The following ABCC2 variants were observed in gnomAD, a reference collection of about 807,000 sequenced individuals.
ABCC2 encodes the protein ATP-binding cassette sub-family C member 2.
In ABCC2, 157 loss-of-function variants were observed where a neutral mutation model predicts 173.4. That is an observed-to-expected ratio of 0.91 (90% CI 0.80 to 1.03). ABCC2 has a LOEUF of 1.03. Ranked by LOEUF, ABCC2 falls within the 50% of genes least tolerant of loss-of-function variation. The pLI, the probability that ABCC2 is intolerant of heterozygous loss-of-function variation, is 0.00. For synonymous variants in ABCC2, 657 were observed against 693.5 expected (o/e 0.95, Z 0.83); for missense variants, 1,822 against 1,852.3 (o/e 0.98, Z 0.30).
In ABCC2 at chr10:99,805,862, AAAG is replaced by A. The variant is rs775554556; in HGVS notation, c.1530+419_1530+421del. 7.5e-4 allele frequency among the ~76,000 whole-genome samples: 114 copies of A among 152,262 alleles called. 1 individual carries two copies. Among genetic ancestry groups the A allele is most frequent in the Middle Eastern group, 3.4e-3 (1 of 294 alleles). On this transcript the variant is annotated intron_variant, in intron 11 of 31. Transcript: ENST00000647814. Reference sequence around the variant, plus strand: ...CATAAATGCTGTGTATGTAGCTCTAAAAGAAGGATTTATTTTAAAAATATAGCC... The same window carrying A: ...CATAAATGCTGTGTATGTAGCTCTAAAAGGATTTATTTTAAAAATATAGCC...
In ABCC2 at chr10:99,816,559, C is replaced by T. The variant is rs138638773; in HGVS notation, c.2095-749C>T. The stretch of plus-strand genomic sequence containing the variant: ...CCTCCCAAAGTGCTGGGATTACAAG[C>T]GTGAGCCACCGCGCCCAGTTTCCAT... On this transcript the variant is annotated intron_variant, in intron 16 of 31. Transcript: ENST00000647814. Among the ~76,000 whole-genome samples the T allele has an allele frequency of 7.1e-3, 1,087 of 152,182 alleles. 8 individuals are homozygous for T. The highest frequency in any genetic ancestry group is 0.027 in the Middle Eastern group (8 of 294).
chr10:99,797,368 A>T, intron 7 of ABCC2, 37 bp downstream of exon 7: 1 of 1,565,778 alleles, frequency 6.4e-7, no homozygotes, highest in Non-Finnish European at 8.7e-7. Context: ...AGCGCGCTGC[A>T]TGTTTCAGGC....
Position 99,841,965 on chromosome 10 carries a change from A to G in ABCC2, c.3615-2A>G. The G allele has an allele frequency of 6.2e-7, 1 of 1,614,160 alleles. No homozygotes were observed. The highest frequency in any genetic ancestry group is 8.5e-7 in the Non-Finnish European group (1 of 1,179,996). Reference sequence around the variant, plus strand: ...GCACTCTCTGGTTCTGTTGCCCCACAGGTGGCTTGCAATTCGCCTGGAGCT... The same window carrying G: ...GCACTCTCTGGTTCTGTTGCCCCACGGGTGGCTTGCAATTCGCCTGGAGCT... On this transcript the variant is annotated splice_acceptor_variant, in intron 25 of 31. Transcript: ENST00000647814. LOFTEE classifies it high-confidence loss of function.
intron 25 of ABCC2, among the ~76,000 whole-genome samples, chr10:99,839,368 AC>A (rs1246751900): frequency 0.3 from 5,237 of 17,236 alleles, 87 homozygotes; most frequent in Admixed American, 0.36. Context: ...GGGGGGGCTG[AC>A]CCCCCCCCAC....
Position 99,847,022 on chromosome 10 carries a change from A to G in ABCC2, c.4208A>G (p.Asp1403Gly), listed in dbSNP as rs759871708. 5 of 1,614,178 alleles carry G rather than the reference A, an allele frequency of 3.1e-6. No individual in the cohort carries two copies. Among genetic ancestry groups the G allele is most frequent in the Non-Finnish European group, 4.2e-6 (5 of 1,180,038 alleles). The change falls in exon 30 of 32, where the codon GAT becomes GGT. Residue 1403 changes from aspartate (D) to glycine (G), a missense_variant. Transcript: ENST00000647814. ...CTCGACCCTTTCAACAACTACTCAGATGAGGAGATTTGGAAGGCCTTGGAG... is the reference window on the plus strand; with the variant it reads ...CTCGACCCTTTCAACAACTACTCAGGTGAGGAGATTTGGAAGGCCTTGGAG... ...MNLDPFNNYSDEEIWKALELA... is the reference protein window; with the variant it reads ...MNLDPFNNYSGEEIWKALELA...
chr10:99,834,963 G>A (rs565176372), intron 24 of ABCC2, among the ~76,000 whole-genome samples: 1 of 152,376 alleles, frequency 6.6e-6, no homozygotes, highest in Admixed American at 6.5e-5. Context: ...ATGTCTCTCA[G>A]CAGCAGCTGG....
At chr10:99,801,501 G>C (rs1466476177) in intron 9 of ABCC2, among the ~76,000 whole-genome samples, 2 of 152,184 alleles carry the variant, frequency 1.3e-5, no homozygotes, top group Non-Finnish European at 2.9e-5. Context: ...CTCCCAAAGT[G>C]CTGGGATTAT....
chr10:99,846,994 A>G lies in ABCC2; in HGVS notation c.4180A>G (p.Asn1394Asp). Residue 1394 changes from asparagine to aspartate, a missense_variant, in exon 30 of 32, where the codon AAT becomes GAT. Coordinates refer to ENST00000647814, the MANE Select transcript of ABCC2 (RefSeq NM_000392.5). Reference protein sequence around the residue: ...PILFSGSLRMNLDPFNNYSDE... With the variant: ...PILFSGSLRMDLDPFNNYSDE... The stretch of plus-strand genomic sequence containing the variant: ...CCTGTTCTCTGGAAGCCTGAGGATG[A>G]ATCTCGACCCTTTCAACAACTACTC... The G allele has an allele frequency of 6.2e-7, 1 of 1,614,198 alleles. No individual in the cohort carries two copies. Among genetic ancestry groups the G allele is most frequent in the African/African-American group, 1.3e-5 (1 of 75,054 alleles).
chr10:99,842,241 T>A, intron 26 of ABCC2, 148 bp downstream of exon 26: 1 of 1,141,862 alleles, frequency 8.8e-7, no homozygotes, highest in Non-Finnish European at 1.3e-6. Context: ...CTCCATCTTT[T>A]ACCCATGGAC....
chr10:99,844,209 A>C, intron 27 of ABCC2, 113 bp from the exon 28 acceptor site: 1 of 1,278,282 alleles, frequency 7.8e-7, no homozygotes, highest in Non-Finnish European at 1.1e-6. Flanking sequence ...AGAGGCCATT[A>C]GGTAGCTGGG....
intron 27 of ABCC2, 36 bp from the exon 28 acceptor site, chr10:99,844,286 T>C (rs773133915): frequency 6.2e-7 from 1 of 1,613,430 alleles, no homozygotes; most frequent in Non-Finnish European, 8.5e-7. Flanking sequence ...AGTTGCCACC[T>C]TATAAAACTT....
intron 31 of ABCC2, among the ~76,000 whole-genome samples, chr10:99,851,261 C>T (rs1162518815): frequency 1.3e-5 from 2 of 152,192 alleles, no homozygotes; most frequent in Non-Finnish European, 2.9e-5. Context: ...ACAATGTGCA[C>T]TTCTTTTAAA....
Position 99,819,268 on chromosome 10 carries a change from A to C in ABCC2, c.2619A>C (p.Thr873=). Residue 873 remains threonine (T), a splice_region_variant and synonymous_variant, in exon 19 of 32, where the codon ACA becomes ACC. Transcript: ENST00000647814. ...LRHTGPEEEA[T]VHDGSEEEDD... ...ATACAGGCCCTGAAGAGGAAGCCACAGGTATGTAAGAAGGATTGGGACAAG... is the reference window on the plus strand; with the variant it reads ...ATACAGGCCCTGAAGAGGAAGCCACCGGTATGTAAGAAGGATTGGGACAAG... The C allele has an allele frequency of 1.2e-6, 2 of 1,613,106 alleles. No homozygotes were observed. The highest frequency in any genetic ancestry group is 1.7e-6 in the Non-Finnish European group (2 of 1,179,832).
At chr10:99,833,550 C>T (rs1405931404) in intron 23 of ABCC2, among the ~76,000 whole-genome samples, 2 of 152,110 alleles carry the variant, frequency 1.3e-5, no homozygotes, top group Non-Finnish European at 2.9e-5. Context: ...AAGATGGAGA[C>T]TCTGTGCCAG....
intron 15 of ABCC2, 76 bp downstream of exon 15, chr10:99,811,678 A>T: frequency 6.7e-7 from 1 of 1,484,740 alleles, no homozygotes; most frequent in Non-Finnish European, 9.4e-7. Flanking sequence ...ATTCCATGTA[A>T]TAGAATGCAT....
At chr10:99,830,939 C>A (rs2038728178) in intron 21 of ABCC2, 88 bp downstream of exon 21, 1 of 1,440,414 alleles carries the variant, frequency 6.9e-7, no homozygotes, top group Admixed American at 1.7e-5. Flanking sequence ...TGAACGCATA[C>A]TTACAGGAGC....
At chr10:99,794,548 A>AT in intron 6 of ABCC2, 80 bp downstream of exon 6, 5 of 1,402,782 alleles carry the variant, frequency 3.6e-6, no homozygotes, top group Non-Finnish European at 5.0e-6. Context: ...TTTTTATTTT[A>AT]TTATTTTTTT....
intron 23 of ABCC2, among the ~76,000 whole-genome samples, chr10:99,832,499 T>C (rs2038757823): frequency 6.6e-6 from 1 of 152,114 alleles, no homozygotes; most frequent in African/African-American, 2.4e-5. Flanking sequence ...AAGGTGAAAC[T>C]TAAGTCATAG....
intron 16 of ABCC2, among the ~76,000 whole-genome samples, chr10:99,813,363 A>G (rs182782005): frequency 6.4e-4 from 97 of 152,290 alleles, no homozygotes; most frequent in Middle Eastern, 3.4e-3. Flanking sequence ...TCTAAAGGTG[A>G]TTCTCATACG....
Sources: allele counts gnomAD v4.1 joint callset (sites outside exome capture counted in the v4.1 genomes callset), GRCh38; gene constraint gnomAD v4.1.1; transcripts MANE v1.5; gene names NCBI Gene and HGNC (gene_info 2026-07-23, HGNC 2026-07-21).